Variants in XPR1 observed in about 807,000 individuals in gnomAD.
XPR1 encodes solute carrier family 53 member 1.
A neutral mutation model predicts 87.5 loss-of-function variants in XPR1; 28 were observed. That is an observed-to-expected ratio of 0.32 (90% CI 0.24 to 0.44). The LOEUF is 0.44. XPR1 is among the 20% of genes least tolerant of loss of function. The probability of loss-of-function intolerance (pLI) is 1.00; values close to 1 mark genes in which losing one functional copy is unlikely to be tolerated. For missense variants in XPR1, 559 were observed against 862.3 expected (o/e 0.65, Z 4.41); for synonymous variants, 300 against 306.1 (o/e 0.98, Z 0.21).
Position 180,733,499 on chromosome 1 carries a change from ATATG to A in XPR1, c.121+51089_121+51092del, listed in dbSNP as rs1359643647. The stretch of plus-strand genomic sequence containing the variant: ...AGAGGGTAAAAAGCACTAGGTGGAG[ATATG>A]CATGGAGCTAGAAGCTTTTAACTGA... On this transcript the variant is annotated intron_variant, in intron 2 of 14. Coordinates refer to ENST00000367590, the MANE Select transcript of XPR1 (RefSeq NM_004736.4). Among the ~76,000 whole-genome samples the A allele has an allele frequency of 2.0e-5, 3 of 152,282 alleles. No homozygotes were observed. In the East Asian group the frequency reaches 5.8e-4, roughly 29 times the overall value.
At chr1:180,775,145 A>G (rs143342400) in intron 2 of XPR1, among the ~76,000 whole-genome samples, 16 of 152,336 alleles carry the variant, frequency 1.1e-4, no homozygotes, top group African/African-American at 3.1e-4. Context: ...TCAAACCACA[A>G]CATTACATAT....
intron 1 of XPR1, among the ~76,000 whole-genome samples, chr1:180,638,261 A>G (rs984240207): frequency 3.3e-5 from 5 of 152,194 alleles, no homozygotes; most frequent in Admixed American, 3.3e-4. Flanking sequence ...TTTACATTGT[A>G]CACAGATACA....
At chr1:180,802,949 T>G (rs1649848205) in intron 3 of XPR1, among the ~76,000 whole-genome samples, 1 of 152,232 alleles carries the variant, frequency 6.6e-6, no homozygotes, top group African/African-American at 2.4e-5. Context: ...TTGATGGACA[T>G]TTGGATTGTT....
chr1:180,690,554 C>A lies in XPR1; in HGVS notation c.121+8143C>A, dbSNP rs1362828891. 2.0e-5 allele frequency among the ~76,000 whole-genome samples: 3 copies of A among 152,060 alleles called. No homozygotes were observed. In the East Asian group the frequency reaches 5.8e-4, roughly 29 times the overall value. On this transcript the variant is annotated intron_variant, in intron 2 of 14. Transcript: ENST00000367590. ...ATGATCTCACCTTCTACATTTCCCCCATTTTTTCCTAGGCTCCTTTCTTTA... is the reference window on the plus strand; with the variant it reads ...ATGATCTCACCTTCTACATTTCCCCAATTTTTTCCTAGGCTCCTTTCTTTA...
intron 2 of XPR1, among the ~76,000 whole-genome samples, chr1:180,732,748 C>T (rs768714198): frequency 6.6e-6 from 1 of 152,230 alleles, no homozygotes; most frequent in Non-Finnish European, 1.5e-5. Context: ...CTATAGGCGG[C>T]TTGTGTTACC....
intron 2 of XPR1, among the ~76,000 whole-genome samples, chr1:180,729,627 T>C (rs1487255628): frequency 6.6e-6 from 1 of 152,230 alleles, no homozygotes; most frequent in East Asian, 1.9e-4. Flanking sequence ...CATTGTGGTT[T>C]TCATTTGCAT....
At chr1:180,676,113 A>G (rs1203037793) in intron 1 of XPR1, among the ~76,000 whole-genome samples, 2 of 152,206 alleles carry the variant, frequency 1.3e-5, no homozygotes, top group African/African-American at 4.8e-5. Context: ...TCAGAATTTA[A>G]TTTGGAAAGG....
chr1:180,886,152 T>TG lies in XPR1; in HGVS notation c.*2088dup, dbSNP rs1297905529. ...TCAGTGTTAACAATTTAGTGACCCT[T>TG]GGTAGGTTAAAGGTTGCATTATTTA... On this transcript the variant is annotated 3_prime_UTR_variant, in exon 15 of 15. Transcript: ENST00000367590. 6.6e-6 allele frequency: 1 copy of TG among 152,196 alleles called. No individual in the cohort carries two copies. Among genetic ancestry groups the TG allele is most frequent in the Non-Finnish European group, 1.5e-5 (1 of 68,024 alleles). 9.4% of individuals were successfully genotyped at this position (152,196 alleles called of 1,614,324 possible). A position where few individuals can be genotyped will look rare whatever the true frequency, so the allele number is the denominator to read the frequency against.
intron 1 of XPR1, among the ~76,000 whole-genome samples, chr1:180,673,567 G>T (rs943551168): frequency 6.6e-6 from 1 of 152,220 alleles, no homozygotes; most frequent in African/African-American, 2.4e-5. Context: ...CAGGAGGTAA[G>T]CAGTGGGCCA....
intron 1 of XPR1, among the ~76,000 whole-genome samples, chr1:180,633,968 T>G (rs1437608575): frequency 6.6e-6 from 1 of 152,248 alleles, no homozygotes; most frequent in Non-Finnish European, 1.5e-5. Flanking sequence ...TGATTCATTT[T>G]AGGTATTTCG....
At chr1:180,876,390 C>G (rs1423241981) in intron 13 of XPR1, among the ~76,000 whole-genome samples, 1 of 152,170 alleles carries the variant, frequency 6.6e-6, no homozygotes, top group East Asian at 1.9e-4. Flanking sequence ...AATCCCAGCA[C>G]TTTGGGAGGC....
chr1:180,783,963 G>T (rs1012161054), intron 2 of XPR1, among the ~76,000 whole-genome samples: 17 of 151,834 alleles, frequency 1.1e-4, no homozygotes, highest in African/African-American at 4.1e-4. Context: ...CCTGAGACGG[G>T]AGAATCTCTT....
At chr1:180,879,999 G>C in intron 13 of XPR1, 77 bp from the exon 14 acceptor site, 1 of 1,482,344 alleles carries the variant, frequency 6.7e-7, no homozygotes, top group Non-Finnish European at 9.4e-7. Context: ...GTGGAAACTT[G>C]ATACACTGGG....
intron 2 of XPR1, among the ~76,000 whole-genome samples, chr1:180,711,453 A>G (rs1657789529): frequency 6.6e-6 from 1 of 152,196 alleles, no homozygotes; most frequent in Non-Finnish European, 1.5e-5. Context: ...CTCCACCAAA[A>G]AAATACGAAA....
chr1:180,643,053 A>G (rs150769449), intron 1 of XPR1, among the ~76,000 whole-genome samples: 148 of 152,248 alleles, frequency 9.7e-4, no homozygotes, highest in African/African-American at 3.0e-3. Context: ...GGAGGGATGA[A>G]AGACTGAAGG....
intron 7 of XPR1, among the ~76,000 whole-genome samples, chr1:180,814,802 C>G (rs1650343499): frequency 6.6e-6 from 1 of 152,090 alleles, no homozygotes; most frequent in Admixed American, 6.6e-5. Flanking sequence ...GGGAATACTT[C>G]ATGGAAGAAA....
In XPR1 at chr1:180,803,591, A is replaced by G; in HGVS notation, c.427A>G (p.Ile143Val). 6.2e-7 allele frequency: 1 copy of G among 1,612,618 alleles called. No individual in the cohort carries two copies. The highest frequency in any genetic ancestry group is 8.5e-7 in the Non-Finnish European group (1 of 1,179,782). ...CTTCAGTGAGTTCTACCTCAGTCTA[A>G]TCCTGCTGCAGAACTATCAGGTACT... Reference protein sequence around the residue: ...LAFSEFYLSLILLQNYQNLNF... With the variant: ...LAFSEFYLSLVLLQNYQNLNF... The change falls in exon 4 of 15, where the codon ATC (isoleucine) becomes GTC (valine). Residue 143 changes from isoleucine (I) to valine (V), a missense_variant. Around this residue, in one of 7 missense-constraint regions of XPR1, gnomAD observed 159 missense variants for 263.3 expected, o/e 0.60. Transcript: ENST00000367590.
At chr1:180,717,488 G>A (rs962480179) in intron 2 of XPR1, among the ~76,000 whole-genome samples, 38 of 152,078 alleles carry the variant, frequency 2.5e-4, no homozygotes, top group Non-Finnish European at 5.3e-4. Context: ...ACAGATTAGT[G>A]GCAGCCAAAA....
At chr1:180,680,491 G>T (rs1019918631) in intron 1 of XPR1, among the ~76,000 whole-genome samples, 1 of 147,410 alleles carries the variant, frequency 6.8e-6, no homozygotes. Context: ...TCAGCCTCCC[G>T]AGTAGCTGGG....
Sources: allele counts gnomAD v4.1 joint callset (sites outside exome capture counted in the v4.1 genomes callset), GRCh38; gene constraint gnomAD v4.1.1; regional missense constraint gnomAD v4.1.1; transcripts MANE v1.5; gene names NCBI Gene and HGNC (gene_info 2026-07-23, HGNC 2026-07-21).